WWOX: variants seen among roughly 807,000 people sequenced by gnomAD.
WWOX encodes the protein WW domain-containing oxidoreductase.
A neutral mutation model predicts 46.2 loss-of-function variants in WWOX; 69 were observed. The ratio of observed to expected loss-of-function variants is 1.49; its 90% CI spans 1.23 to 1.82. WWOX has a LOEUF of 1.82. Among genes scored for constraint, WWOX ranks in the 40% most tolerant of loss-of-function variants. WWOX has a pLI of 0.00. For missense variants in WWOX, 919 were observed against 542.6 expected, an observed-to-expected ratio of 1.69 and a Z score of -6.89; for synonymous variants, 359 against 202.6, an observed-to-expected ratio of 1.77 and a Z score of -6.56.
chr16:78,786,498 A>G (rs1031181224), intron 8 of WWOX, among the ~76,000 whole-genome samples: 3 of 152,220 alleles, frequency 2.0e-5, no homozygotes, highest in Non-Finnish European at 2.9e-5. Flanking sequence ...ACTTTTTAGT[A>G]TGATTTATTT....
intron 5 of WWOX, among the ~76,000 whole-genome samples, chr16:78,213,880 G>T (rs1314471593): frequency 6.6e-6 from 1 of 152,126 alleles, no homozygotes. Flanking sequence ...GGCTTCTGGG[G>T]CCCCCAGGGC....
chr16:78,524,762 A>G (rs1014122233), intron 8 of WWOX, among the ~76,000 whole-genome samples: 3 of 150,514 alleles, frequency 2.0e-5, no homozygotes, highest in Admixed American at 6.6e-5. Flanking sequence ...ATTGTGATAA[A>G]TAATATTTAA....
intron 8 of WWOX, among the ~76,000 whole-genome samples, chr16:78,601,512 C>T (rs558684939): frequency 3.3e-5 from 5 of 151,906 alleles, no homozygotes; most frequent in Non-Finnish European, 5.9e-5. Context: ...ATTATTCACA[C>T]ACACATACCC....
chr16:78,692,153 C>T (rs990874332), intron 8 of WWOX, among the ~76,000 whole-genome samples: 1 of 152,144 alleles, frequency 6.6e-6, no homozygotes, highest in South Asian at 2.1e-4. Flanking sequence ...CGGACTAATA[C>T]AGTGAGGAAA....
chr16:78,694,993 G>T (rs1368019506), intron 8 of WWOX, among the ~76,000 whole-genome samples: 1 of 152,034 alleles, frequency 6.6e-6, no homozygotes, highest in East Asian at 1.9e-4. Context: ...TCCAATACCA[G>T]GATTGTAAAC....
intron 8 of WWOX, among the ~76,000 whole-genome samples, chr16:78,541,162 A>G (rs553067837): frequency 3.2e-4 from 48 of 152,252 alleles, no homozygotes; most frequent in African/African-American, 1.1e-3. Context: ...TACTCTATAA[A>G]TACACTTCTG....
intron 8 of WWOX, among the ~76,000 whole-genome samples, chr16:78,682,355 G>C (rs1468510908): frequency 6.6e-6 from 1 of 152,116 alleles, no homozygotes; most frequent in Non-Finnish European, 1.5e-5. Context: ...TTTCAGCTCA[G>C]TTTTTTTGTA....
intron 8 of WWOX, among the ~76,000 whole-genome samples, chr16:78,734,795 C>T (rs1474215063): frequency 7.6e-6 from 1 of 132,416 alleles, no homozygotes; most frequent in Non-Finnish European, 1.6e-5. Context: ...GACCCTACTT[C>T]AAAGAGAACT....
chr16:78,809,685 C>T (rs1042118437), intron 8 of WWOX, among the ~76,000 whole-genome samples: 2 of 152,122 alleles, frequency 1.3e-5, no homozygotes, highest in African/African-American at 4.8e-5. Flanking sequence ...AGAAAGAGGA[C>T]TGGGAGTGTG....
intron 4 of WWOX, 54 bp downstream of exon 4, chr16:78,115,208 T>G (rs1473469373): frequency 6.2e-7 from 1 of 1,601,294 alleles, no homozygotes; most frequent in Non-Finnish European, 8.6e-7. Context: ...GAGATCCACT[T>G]AGATCTAGCT....
At chr16:78,668,265 A>G (rs2047378821) in intron 8 of WWOX, among the ~76,000 whole-genome samples, 1 of 152,180 alleles carries the variant, frequency 6.6e-6, no homozygotes, top group Non-Finnish European at 1.5e-5. Flanking sequence ...TGTGTGACAG[A>G]GCAAGACTTT....
At chr16:78,297,170 T>A (rs187961429) in intron 5 of WWOX, among the ~76,000 whole-genome samples, 21 of 152,292 alleles carry the variant, frequency 1.4e-4, no homozygotes, top group Non-Finnish European at 3.1e-4. Context: ...ACACTCCTAG[T>A]CACAAGACCT....
rs973222192 is a variant in WWOX, at chr16:78,977,177, G to A, written c.1057-234431G>A. Among the ~76,000 whole-genome samples the A allele has an allele frequency of 6.6e-5, 10 of 152,240 alleles. No individual in the cohort carries two copies. In the Middle Eastern group the frequency reaches 0.01, roughly 155 times the overall value. ...TACCCTATATATCATTCACTCAAGTGTTTGTTTTGAACCACTTATTTTGGC... is the reference window on the plus strand; with the variant it reads ...TACCCTATATATCATTCACTCAAGTATTTGTTTTGAACCACTTATTTTGGC... On this transcript the variant is annotated intron_variant, in intron 8 of 8. Coordinates refer to ENST00000566780, the MANE Select transcript of WWOX (RefSeq NM_016373.4).
chr16:78,614,493 CT>C (rs1272225530), intron 8 of WWOX, among the ~76,000 whole-genome samples: 1 of 152,242 alleles, frequency 6.6e-6, no homozygotes, highest in African/African-American at 2.4e-5. Context: ...CAGATCCACC[CT>C]GTTCACGGTG....
At chr16:78,457,027 T>G (rs2083835393) in intron 8 of WWOX, among the ~76,000 whole-genome samples, 2 of 152,244 alleles carry the variant, frequency 1.3e-5, no homozygotes, top group Non-Finnish European at 2.9e-5. Context: ...GCAGGATGGT[T>G]AATTTGATGT....
chr16:79,028,262 T>G (rs907496183), intron 8 of WWOX, among the ~76,000 whole-genome samples: 2 of 151,840 alleles, frequency 1.3e-5, no homozygotes, highest in Admixed American at 6.5e-5. Context: ...TTATTTTCCT[T>G]TGTGTTCCTA....
At chr16:79,186,637 C>T (rs1446678803) in intron 8 of WWOX, among the ~76,000 whole-genome samples, 3 of 152,238 alleles carry the variant, frequency 2.0e-5, no homozygotes, top group Middle Eastern at 3.4e-3. Context: ...GGGACTTGAA[C>T]ATATATTCTT....
intron 8 of WWOX, among the ~76,000 whole-genome samples, chr16:78,606,563 C>T (rs557879444): frequency 5.7e-4 from 87 of 151,966 alleles, no homozygotes; most frequent in African/African-American, 2.1e-3. Flanking sequence ...GACCTGTCAG[C>T]TTAAAAAGAC....
chr16:79,189,751 G>T (rs1006576016), intron 8 of WWOX, among the ~76,000 whole-genome samples: 1 of 151,914 alleles, frequency 6.6e-6, no homozygotes, highest in Non-Finnish European at 1.5e-5. Context: ...TCATTTGCTT[G>T]GCTGTCCTGA....
Sources: allele counts gnomAD v4.1 joint callset (sites outside exome capture counted in the v4.1 genomes callset), GRCh38; gene constraint gnomAD v4.1.1; transcripts MANE v1.5; gene names NCBI Gene and HGNC (gene_info 2026-07-23, HGNC 2026-07-21).